The following DLGAP2 variants were observed in gnomAD, a reference collection of about 807,000 sequenced individuals.
DLGAP2 encodes the protein DLG associated protein 2.
Under a neutral mutation model 100.3 loss-of-function variants are expected in DLGAP2, and 26 were observed. The observed-to-expected ratio is 0.26, with a 90% confidence interval of 0.19 to 0.36. DLGAP2 has a LOEUF of 0.36. Among genes scored for constraint, DLGAP2 ranks in the 10% least tolerant of loss-of-function variants. The pLI is 1.00. For missense variants in DLGAP2, 1,858 were observed against 1,453.2 expected, an observed-to-expected ratio of 1.28 and a Z score of -4.53; for synonymous variants, 886 against 630.1, an observed-to-expected ratio of 1.41 and a Z score of -6.08.
Position 994,618 on chromosome 8 carries a change from G to C in DLGAP2, c.73+86652G>C, listed in dbSNP as rs151286983. Among the ~76,000 whole-genome samples the C allele has an allele frequency of 2.9e-3, 442 of 152,310 alleles. 3 individuals are homozygous for C. The highest frequency in any genetic ancestry group is 0.01 in the African/African-American group (421 of 41,566). ...CTGCTTCCTAGAACACGGTAGGTGG[G>C]AGGGCTTGGGATGGATGCATCCTTG... is the stretch of plus-strand genomic sequence containing the variant. On this transcript the variant is annotated intron_variant, in intron 2 of 14. Coordinates refer to ENST00000637795, the MANE Select transcript of DLGAP2 (RefSeq NM_001346810.2).
chr8:1,228,023 A>T (rs184052774), intron 2 of DLGAP2, among the ~76,000 whole-genome samples: 2 of 152,066 alleles, frequency 1.3e-5, no homozygotes, highest in Non-Finnish European at 2.9e-5. Context: ...TACCTTAAAT[A>T]TACACAATAA....
chr8:1,055,855 T>C (rs1802867122), intron 2 of DLGAP2, among the ~76,000 whole-genome samples: 1 of 152,202 alleles, frequency 6.6e-6, no homozygotes. Context: ...ACTTCAAGGA[T>C]TTGGGCACAA....
At chr8:900,349 C>T (rs1240485826) in intron 1 of DLGAP2, among the ~76,000 whole-genome samples, 18 of 142,746 alleles carry the variant, frequency 1.3e-4, no homozygotes, top group Admixed American at 9.7e-4. Flanking sequence ...GGACGGTGGG[C>T]GCCCTCCTCT....
At chr8:1,527,921 CA>C (rs373923344) in intron 4 of DLGAP2, among the ~76,000 whole-genome samples, 2,488 of 140,150 alleles carry the variant, frequency 0.018, 51 homozygotes, top group African/African-American at 0.057. Context: ...TAAGTATCTG[CA>C]AAAAAAAAAA....
chr8:1,240,320 G>C (rs1798759250), intron 2 of DLGAP2, among the ~76,000 whole-genome samples: 1 of 144,542 alleles, frequency 6.9e-6, no homozygotes, highest in East Asian at 2.1e-4. Flanking sequence ...ATGGTGCTGT[G>C]TCTAGTTCTC....
intron 3 of DLGAP2, among the ~76,000 whole-genome samples, chr8:1,414,356 A>G (rs891709440): frequency 1.3e-5 from 2 of 152,218 alleles, no homozygotes; most frequent in Non-Finnish European, 2.9e-5. Context: ...AGGGAGAGGC[A>G]GTGAGGACCT....
At chr8:896,512 T>C (rs1004314259) in intron 1 of DLGAP2, among the ~76,000 whole-genome samples, 2 of 152,098 alleles carry the variant, frequency 1.3e-5, no homozygotes, top group African/African-American at 2.4e-5. Context: ...GGACTGAACA[T>C]GTCCCCCCAA....
intron 2 of DLGAP2, among the ~76,000 whole-genome samples, chr8:1,023,857 A>ATGTGTG (rs149206104): frequency 0.078 from 10,039 of 128,808 alleles, 521 homozygotes; most frequent in South Asian, 0.14. Context: ...AACTTTATAT[A>ATGTGTG]TGTGTGTGTG....
At chr8:1,051,687 A>G (rs543167680) in intron 2 of DLGAP2, among the ~76,000 whole-genome samples, 1 of 152,214 alleles carries the variant, frequency 6.6e-6, no homozygotes, top group South Asian at 2.1e-4. Context: ...ATCACAGTTT[A>G]GACTCACGGA....
intron 3 of DLGAP2, among the ~76,000 whole-genome samples, chr8:1,500,326 C>G (rs1273644663): frequency 6.6e-6 from 1 of 152,174 alleles, no homozygotes. Flanking sequence ...CCTCTGCAGC[C>G]AGGTAGAAAC....
intron 3 of DLGAP2, among the ~76,000 whole-genome samples, chr8:1,283,232 A>G (rs1462691214): frequency 7.1e-6 from 1 of 139,972 alleles, no homozygotes; most frequent in Non-Finnish European, 1.5e-5. Context: ...GCCCTGAACC[A>G]TCCGGACGTG....
intron 1 of DLGAP2, among the ~76,000 whole-genome samples, chr8:838,997 T>G (rs141843475): frequency 5.5e-4 from 84 of 152,288 alleles, no homozygotes; most frequent in African/African-American, 1.9e-3. Flanking sequence ...ACCTGTTATT[T>G]TGTTAAATCA....
Position 1,150,931 on chromosome 8 carries a change from AATC to A in DLGAP2, c.74-107917_74-107915del, listed in dbSNP as rs776166800. ...TATATGGAGTATTACTTTCTGAGAT[AATC>A]ATTATTATTTGGATATAATTATTTC... On this transcript the variant is annotated intron_variant, in intron 2 of 14. Coordinates refer to ENST00000637795, the MANE Select transcript of DLGAP2 (RefSeq NM_001346810.2). Among the ~76,000 whole-genome samples the A allele has an allele frequency of 1.3e-5, 2 of 152,206 alleles. 1 individual carries two copies. The highest frequency in any genetic ancestry group is 1.3e-4 in the Admixed American group (2 of 15,280).
At chr8:1,171,161 G>T (rs935479105) in intron 2 of DLGAP2, among the ~76,000 whole-genome samples, 1 of 152,160 alleles carries the variant, frequency 6.6e-6, no homozygotes, top group Non-Finnish European at 1.5e-5. Context: ...TTCAGGAGAA[G>T]GTTGTTCAGT....
At chr8:1,067,855 A>G (rs1352329572) in intron 2 of DLGAP2, among the ~76,000 whole-genome samples, 1 of 151,440 alleles carries the variant, frequency 6.6e-6, no homozygotes, top group Non-Finnish European at 1.5e-5. Context: ...TGGCATTGTC[A>G]CTGCACAGGT....
At chr8:957,017 C>T (rs1458169856) in intron 2 of DLGAP2, among the ~76,000 whole-genome samples, 1 of 152,220 alleles carries the variant, frequency 6.6e-6, no homozygotes, top group Non-Finnish European at 1.5e-5. Flanking sequence ...TAAGAAATGT[C>T]ACCTGTCAGT....
intron 2 of DLGAP2, among the ~76,000 whole-genome samples, chr8:1,245,273 TA>T (rs1423847454): frequency 3.3e-5 from 5 of 152,108 alleles, no homozygotes; most frequent in South Asian, 2.1e-4. Context: ...ATATGTCCAC[TA>T]AAAAAACTCA....
chr8:1,332,545 A>G (rs1801182989), intron 3 of DLGAP2, among the ~76,000 whole-genome samples: 1 of 152,136 alleles, frequency 6.6e-6, no homozygotes, highest in Admixed American at 6.5e-5. Flanking sequence ...ACTCCTACAG[A>G]TGCACACACA....
At chr8:1,501,304 G>T (rs1280014259) in intron 3 of DLGAP2, 62 bp from the exon 4 acceptor site, 16 of 1,503,924 alleles carry the variant, frequency 1.1e-5, no homozygotes, top group Non-Finnish European at 1.4e-5. Context: ...AAGATGTGCA[G>T]GGAATGACTG....
Sources: allele counts gnomAD v4.1 joint callset (sites outside exome capture counted in the v4.1 genomes callset), GRCh38; gene constraint gnomAD v4.1.1; transcripts MANE v1.5; gene names NCBI Gene and HGNC (gene_info 2026-07-23, HGNC 2026-07-21).